The following FAM161A variants were observed in gnomAD, a reference collection of about 807,000 sequenced individuals.
FAM161A encodes FAM161 centrosomal protein A, also known as protein FAM161A.
In FAM161A, 57 loss-of-function variants were observed where a neutral mutation model predicts 70.9. That is an observed-to-expected ratio of 0.80 (90% CI 0.65 to 1.00). The LOEUF (loss-of-function observed/expected upper bound fraction) is 1.00. FAM161A is among the 50% of genes least tolerant of loss of function. The pLI is 0.00. For missense variants in FAM161A, 880 were observed against 836.0 expected (o/e 1.05, Z -0.65); for synonymous variants, 299 against 295.7 (o/e 1.01, Z -0.12).
At chr2:61,849,625 A>C (rs1673426904) in intron 1 of FAM161A, among the ~76,000 whole-genome samples, 2 of 151,922 alleles carry the variant, frequency 1.3e-5, no homozygotes, top group African/African-American at 4.8e-5. Flanking sequence ...TCTCTACTAA[A>C]AATACAAAAA....
the FAM161A span, among the ~76,000 whole-genome samples, chr2:61,816,513 T>C: frequency 6.6e-6 from 1 of 152,066 alleles, no homozygotes; most frequent in Non-Finnish European, 1.5e-5. Context: ...CAGGCTGGAG[T>C]GTGGTGGTGC....
At chr2:61,813,732 AAAAG>A in the FAM161A span, among the ~76,000 whole-genome samples, 2 of 133,240 alleles carry the variant, frequency 1.5e-5, no homozygotes, top group African/African-American at 2.8e-5. Flanking sequence ...AAAAAAAAAA[AAAAG>A]AAAAAAGAAA....
At chr2:61,833,493 A>C (rs542507941) in intron 5 of FAM161A, among the ~76,000 whole-genome samples, 1 of 152,102 alleles carries the variant, frequency 6.6e-6, no homozygotes, top group African/African-American at 2.4e-5. Context: ...TTGTTTACTA[A>C]GTTATAACAC....
intron 5 of FAM161A, among the ~76,000 whole-genome samples, chr2:61,832,799 T>C (rs760665568): frequency 1.3e-5 from 2 of 152,106 alleles, no homozygotes; most frequent in Non-Finnish European, 2.9e-5. Context: ...CATCCTGAAA[T>C]GATCCATTTC....
chr2:61,846,803 G>A (rs1383703523), intron 1 of FAM161A: 1 of 386,326 alleles, frequency 2.6e-6, no homozygotes, highest in African/African-American at 2.1e-5. Context: ...GCTTGTGTCA[G>A]TCTAGCAACG....
At chr2:61,804,424 C>T in the FAM161A span, among the ~76,000 whole-genome samples, 1 of 152,054 alleles carries the variant, frequency 6.6e-6, no homozygotes, top group African/African-American at 2.4e-5. Flanking sequence ...GTTTCACACC[C>T]CTCTGACACC....
chr2:61,850,521 G>A (rs559682345), intron 1 of FAM161A, among the ~76,000 whole-genome samples: 57 of 152,334 alleles, frequency 3.7e-4, no homozygotes, highest in African/African-American at 1.3e-3. Flanking sequence ...GGGAGGCCAA[G>A]GCAGGTGGAT....
In FAM161A at chr2:61,839,960, A is replaced by G. The variant is rs549784796; in HGVS notation, c.1044T>C (p.Tyr348=). The part of the protein sequence containing the change: ...REKQLRDFLK[Y]KKKTNRFKAR... ...CTTTAAATCGATTTGTTTTCTTTTTATACTTAAGAAAGTCTCTCAGCTGCT... is the reference window on the plus strand; with the variant it reads ...CTTTAAATCGATTTGTTTTCTTTTTGTACTTAAGAAAGTCTCTCAGCTGCT... The change falls in exon 3 of 7, where the codon TAT becomes TAC. Residue 348 remains tyrosine (Y), a synonymous_variant. Coordinates refer to ENST00000404929, the MANE Select transcript of FAM161A (RefSeq NM_001201543.2). 1.8e-4 allele frequency: 296 copies of G among 1,614,032 alleles called. No individual in the cohort carries two copies. Among genetic ancestry groups the G allele is most frequent in the Non-Finnish European group, 2.4e-4 (279 of 1,180,030 alleles).
intron 5 of FAM161A, among the ~76,000 whole-genome samples, chr2:61,834,644 G>C (rs1410449759): frequency 6.6e-6 from 1 of 151,930 alleles, no homozygotes; most frequent in African/African-American, 2.4e-5. Flanking sequence ...TGTATTTTTA[G>C]TAGAGACAAG....
the FAM161A span, among the ~76,000 whole-genome samples, chr2:61,805,144 C>G: frequency 1.3e-5 from 2 of 152,204 alleles, no homozygotes; most frequent in African/African-American, 2.4e-5. Flanking sequence ...CTTTGAATCT[C>G]TGACCTGTAA....
At chr2:61,801,155 G>A in the FAM161A span, among the ~76,000 whole-genome samples, 6 of 152,176 alleles carry the variant, frequency 3.9e-5, no homozygotes, top group Middle Eastern at 3.4e-3. Flanking sequence ...TGATGCTCAC[G>A]GGAAACAATT....
At chr2:61,828,851 C>T (rs947063265) in intron 5 of FAM161A, among the ~76,000 whole-genome samples, 30 of 152,118 alleles carry the variant, frequency 2.0e-4, no homozygotes, top group Non-Finnish European at 4.1e-4. Flanking sequence ...CATCACAGCT[C>T]CAGAGATGGC....
chr2:61,839,205 A>G (rs1359341942), intron 3 of FAM161A, among the ~76,000 whole-genome samples: 3 of 152,084 alleles, frequency 2.0e-5, no homozygotes, highest in Non-Finnish European at 1.5e-5. Flanking sequence ...AAATCTTAAG[A>G]CTATTATTTT....
chr2:61,811,464 C>T, the FAM161A span, among the ~76,000 whole-genome samples: 1 of 152,050 alleles, frequency 6.6e-6, no homozygotes. Flanking sequence ...ACCTCTGTCT[C>T]CCACATTCAA....
chr2:61,808,282 T>A, the FAM161A span, among the ~76,000 whole-genome samples: 3,442 of 152,006 alleles, frequency 0.023, 44 homozygotes, highest in African/African-American at 0.03. Context: ...TTATTTTTTT[T>A]TTTTTTTTGA....
chr2:61,820,527 T>C, downstream of FAM161A: 2 of 748,306 alleles, frequency 2.7e-6, no homozygotes, highest in Non-Finnish European at 4.9e-6. Flanking sequence ...TATTTGTTGC[T>C]GGCATTAAAG....
In FAM161A at chr2:61,840,666, T is replaced by C. The variant is rs1425626924; in HGVS notation, c.423-85A>G. 1.1e-5 allele frequency: 12 copies of C among 1,110,230 alleles called. No homozygotes were observed. The East Asian group carries it at 2.8e-4, about 26-fold the overall frequency. The allele number at this position is 1,110,230 out of a possible 1,614,324, so 68.8% of individuals were successfully genotyped here. A position where few individuals can be genotyped will look rare whatever the true frequency, so the allele number is the denominator to read the frequency against. ...AAGAGTTACATATTTTCTTTTTTTT[T>C]CTGAGACAGAGTCTCACTCTGTTGC... On this transcript the variant is annotated intron_variant, in intron 2 of 6. Coordinates refer to ENST00000404929, the MANE Select transcript of FAM161A (RefSeq NM_001201543.2).
downstream of FAM161A, among the ~76,000 whole-genome samples, chr2:61,822,334 A>G (rs899589391): frequency 6.6e-6 from 1 of 152,118 alleles, no homozygotes. Flanking sequence ...CAATACAGGT[A>G]AGTTAGTAAA....
chr2:61,823,916 T>A (rs1246893933), downstream of FAM161A, among the ~76,000 whole-genome samples: 1 of 152,200 alleles, frequency 6.6e-6, no homozygotes. Flanking sequence ...GTAAAAAATT[T>A]TCAGTTACCT....
Sources: gnomAD v4.1 joint callset for allele counts (sites outside exome capture counted in the v4.1 genomes callset) on GRCh38, gnomAD v4.1.1 for gene constraint, MANE v1.5 for transcripts, NCBI Gene and HGNC (gene_info 2026-07-23, HGNC 2026-07-21) for gene names.